SHISA9: variants seen among roughly 807,000 people sequenced by gnomAD.
The protein encoded by SHISA9 is protein shisa-9.
In SHISA9, 13 loss-of-function variants were observed where a neutral mutation model predicts 38.0. The ratio of observed to expected loss-of-function variants is 0.34; its 90% confidence interval spans 0.22 to 0.54. The LOEUF (loss-of-function observed/expected upper bound fraction) is 0.54. SHISA9 is among the 20% of genes least tolerant of loss of function. The pLI, the probability that SHISA9 is intolerant of heterozygous loss-of-function variation, is 0.91. For synonymous variants in SHISA9, 275 were observed against 242.0 expected, an observed-to-expected ratio of 1.14 and a Z score of -1.27; for missense variants, 538 against 575.8, an observed-to-expected ratio of 0.93 and a Z score of 0.67.
rs550072062 is a variant in SHISA9, at chr16:12,939,410, T to C, written c.691+22595T>C. ...GGAAGTAGTTTCTTTTGAATATCCC[T>C]GATTGGCCCATACTTTTCCTCCCAG... On this transcript the variant is annotated intron_variant, in intron 2 of 4. Transcript: ENST00000558583. 5.3e-5 allele frequency among the ~76,000 whole-genome samples: 8 copies of C among 152,270 alleles called. 1 individual carries two copies. The highest frequency in any genetic ancestry group is 7.4e-5 in the Non-Finnish European group (5 of 68,008).
the SHISA9 span, among the ~76,000 whole-genome samples, chr16:13,561,854 T>A: frequency 6.6e-6 from 1 of 152,110 alleles, no homozygotes; most frequent in African/African-American, 2.4e-5. Context: ...TTGGTTGCAA[T>A]TCAAATTAGC....
At chr16:13,091,847 G>T (rs547714596) in intron 2 of SHISA9, among the ~76,000 whole-genome samples, 1 of 152,148 alleles carries the variant, frequency 6.6e-6, no homozygotes, top group Non-Finnish European at 1.5e-5. Context: ...TCCGTTGCTC[G>T]CTAGGAACTG....
At chr16:13,285,462 GTTTTTTTTTTTT>G in the SHISA9 span, among the ~76,000 whole-genome samples, 1 of 95,786 alleles carries the variant, frequency 1.0e-5, no homozygotes, top group Non-Finnish European at 2.0e-5. Flanking sequence ...TTCAGGTGTA[GTTTTTTTTTTTT>G]TTTTTTTTTT....
chr16:13,482,917 T>C, the SHISA9 span, among the ~76,000 whole-genome samples: 14 of 152,010 alleles, frequency 9.2e-5, no homozygotes, highest in Non-Finnish European at 2.1e-4. Context: ...TCTGTGATAT[T>C]TAAGGTGAGA....
chr16:13,257,009 G>C, the SHISA9 span, among the ~76,000 whole-genome samples: 1 of 152,160 alleles, frequency 6.6e-6, no homozygotes, highest in Non-Finnish European at 1.5e-5. Context: ...TGGTGCCCTT[G>C]AACCCAGTGT....
chr16:13,223,580 G>C (rs1430675283), intron 4 of SHISA9, among the ~76,000 whole-genome samples: 2 of 152,298 alleles, frequency 1.3e-5, no homozygotes, highest in East Asian at 3.9e-4. Context: ...CAAGAGCCTA[G>C]TGTAGGATTC....
intron 2 of SHISA9, among the ~76,000 whole-genome samples, chr16:12,941,023 A>G (rs190643972): frequency 2.6e-5 from 4 of 152,330 alleles, no homozygotes; most frequent in Admixed American, 2.6e-4. Flanking sequence ...CACTTGAGTG[A>G]GGCACACAGT....
chr16:13,026,981 G>A (rs979189305), intron 2 of SHISA9, among the ~76,000 whole-genome samples: 3 of 152,154 alleles, frequency 2.0e-5, no homozygotes, highest in African/African-American at 7.2e-5. Flanking sequence ...TGTCTTCAAG[G>A]TACCATAACT....
chr16:13,451,126 T>C, the SHISA9 span, among the ~76,000 whole-genome samples: 1 of 152,080 alleles, frequency 6.6e-6, no homozygotes, highest in Non-Finnish European at 1.5e-5. Flanking sequence ...TGGGAATTTG[T>C]GTATAGCTGC....
At chr16:13,170,036 C>G (rs914408697) in intron 2 of SHISA9, among the ~76,000 whole-genome samples, 1 of 151,952 alleles carries the variant, frequency 6.6e-6, no homozygotes, top group Non-Finnish European at 1.5e-5. Context: ...AACTCTTTCT[C>G]TACTAAAAAT....
At chr16:13,429,279 A>C in the SHISA9 span, among the ~76,000 whole-genome samples, 1 of 152,344 alleles carries the variant, frequency 6.6e-6, no homozygotes, top group East Asian at 1.9e-4. Context: ...TGGCTTAAAT[A>C]AGAGAAATGT....
At chr16:12,944,554 G>T (rs1434102128) in intron 2 of SHISA9, among the ~76,000 whole-genome samples, 1 of 152,154 alleles carries the variant, frequency 6.6e-6, no homozygotes, top group Non-Finnish European at 1.5e-5. Context: ...GGGAGAGACT[G>T]GATTGAAATA....
At chr16:13,109,514 A>G (rs1371384070) in intron 2 of SHISA9, among the ~76,000 whole-genome samples, 1 of 152,212 alleles carries the variant, frequency 6.6e-6, no homozygotes, top group African/African-American at 2.4e-5. Flanking sequence ...TAATGACTTA[A>G]AAACCCCCAA....
chr16:13,247,653 T>C, the SHISA9 span, among the ~76,000 whole-genome samples: 2 of 152,238 alleles, frequency 1.3e-5, no homozygotes, highest in African/African-American at 4.8e-5. Context: ...TCTCACTTAT[T>C]TTCTTGTCAG....
At chr16:12,909,323 A>G (rs887534346) in intron 1 of SHISA9, 1 of 985,400 alleles carries the variant, frequency 1.0e-6, no homozygotes, top group African/African-American at 1.7e-5. Context: ...TAGAAAGCTC[A>G]CTCATGCCCA....
chr16:13,296,236 A>G, the SHISA9 span, among the ~76,000 whole-genome samples: 6 of 151,168 alleles, frequency 4.0e-5, no homozygotes, highest in Non-Finnish European at 5.9e-5. Flanking sequence ...TTTTCTCTGC[A>G]ACATTCCCCA....
chr16:12,919,924 G>A (rs938769676), intron 2 of SHISA9, among the ~76,000 whole-genome samples: 9 of 152,172 alleles, frequency 5.9e-5, no homozygotes, highest in South Asian at 2.1e-4. Flanking sequence ...TATAATTATC[G>A]TTTGTTTTTG....
rs55972023 is a variant in SHISA9 at position 13,147,461 on chromosome 16, C to CTT, written c.692-55909_692-55908dup. On this transcript the variant is annotated intron_variant, in intron 2 of 4. Transcript: ENST00000558583. ...TTCTTACAAAAAAGTGTAAACTGAG[C>CTT]TTTTTTTTTTTTTTTTTTTTTTTTT... 2.2e-3 allele frequency among the ~76,000 whole-genome samples: 141 copies of CTT among 65,050 alleles called. 2 individuals are homozygous for CTT. The highest frequency in any genetic ancestry group is 2.5e-3 in the African/African-American group (45 of 18,172). 42.7% of individuals were successfully genotyped at this position (65,050 alleles called of 152,430 possible). A position where few individuals can be genotyped will look rare whatever the true frequency, so the allele number is the denominator to read the frequency against.
chr16:12,987,870 A>C (rs937986577), intron 2 of SHISA9, among the ~76,000 whole-genome samples: 2 of 152,260 alleles, frequency 1.3e-5, no homozygotes, highest in Admixed American at 1.3e-4. Context: ...TAGAGGCGGC[A>C]ATGGAGGCTT....
Sources: gnomAD v4.1 joint callset for allele counts (sites outside exome capture counted in the v4.1 genomes callset) on GRCh38, gnomAD v4.1.1 for gene constraint, MANE v1.5 for transcripts, NCBI Gene and HGNC (gene_info 2026-07-23, HGNC 2026-07-21) for gene names.